RALGPS1: variants seen among roughly 807,000 people sequenced by gnomAD.
RALGPS1 encodes ras-specific guanine nucleotide-releasing factor RalGPS1.
A neutral mutation model predicts 78.8 loss-of-function variants in RALGPS1; 19 were observed. That is an observed-to-expected ratio of 0.24 (90% CI 0.17 to 0.35). The LOEUF is 0.35. Among genes scored for constraint, RALGPS1 ranks in the 10% least tolerant of loss-of-function variants. The pLI, the probability that RALGPS1 is intolerant of heterozygous loss-of-function variation, is 1.00. For synonymous variants in RALGPS1, 228 were observed against 256.3 expected (o/e 0.89, Z 1.06); for missense variants, 454 against 688.3 (o/e 0.66, Z 3.81).
At chr9:126,994,811 A>C (rs1163024071) in intron 4 of RALGPS1, among the ~76,000 whole-genome samples, 2 of 152,178 alleles carry the variant, frequency 1.3e-5, no homozygotes, top group Non-Finnish European at 2.9e-5. Context: ...AGGGAAGCCC[A>C]TCAGACTAAC....
chr9:127,033,259 G>A (rs200014821), intron 4 of RALGPS1, among the ~76,000 whole-genome samples: 1 of 152,178 alleles, frequency 6.6e-6, no homozygotes, highest in East Asian at 1.9e-4. Context: ...TAAGTCCAGG[G>A]CATTCATCTT....
At chr9:127,069,041 C>T (rs2049954997) in intron 7 of RALGPS1, among the ~76,000 whole-genome samples, 189 bp from the exon 8 acceptor site, 1 of 152,158 alleles carries the variant, frequency 6.6e-6, no homozygotes, top group Non-Finnish European at 1.5e-5. Flanking sequence ...CAAGCCCCAC[C>T]TCTGGAGTCG....
At position 127,166,179 on chromosome 9, in the gene RALGPS1, G is replaced by T; in HGVS notation, c.721G>T (p.Ala241Ser). ...NQMNNILRII[A>S]DLQVSCSYDH... is the part of the protein sequence containing the mutation. ...GATGAACAATATTCTTCGAATAATTGCTGATTTACAAGTTTCCTGCAGCTA... is the reference window on the plus strand; with the variant it reads ...GATGAACAATATTCTTCGAATAATTTCTGATTTACAAGTTTCCTGCAGCTA... The change falls in exon 9 of 19, where the codon GCT (alanine) becomes TCT (serine). Residue 241 changes from alanine (A) to serine (S), a missense_variant. By Grantham distance (99) the Ala-to-Ser change is moderately conservative. Coordinates refer to ENST00000259351, the MANE Select transcript of RALGPS1 (RefSeq NM_014636.3). 1 of 1,613,494 alleles carries T rather than the reference G, an allele frequency of 6.2e-7. No homozygotes were observed. Among genetic ancestry groups the T allele is most frequent in the Non-Finnish European group, 8.5e-7 (1 of 1,179,896 alleles).
intron 5 of RALGPS1, among the ~76,000 whole-genome samples, chr9:127,045,750 C>T (rs529941577): frequency 5.1e-5 from 5 of 97,294 alleles, no homozygotes; most frequent in South Asian, 7.9e-4. Context: ...CACACACACA[C>T]ACACACACAC....
chr9:126,985,784 A>G (rs191926747), intron 4 of RALGPS1, among the ~76,000 whole-genome samples: 2 of 152,300 alleles, frequency 1.3e-5, no homozygotes, highest in South Asian at 4.1e-4. Context: ...AAGGAGGGTT[A>G]TGCTAATTTG....
At chr9:127,053,572 C>T (rs1303575638) in intron 7 of RALGPS1, among the ~76,000 whole-genome samples, 1 of 152,188 alleles carries the variant, frequency 6.6e-6, no homozygotes, top group Non-Finnish European at 1.5e-5. Context: ...TTAGCATTCA[C>T]CTCCTGGCCT....
intron 5 of RALGPS1, among the ~76,000 whole-genome samples, chr9:127,045,844 C>T (rs2047723474): frequency 6.6e-6 from 1 of 151,852 alleles, no homozygotes; most frequent in Middle Eastern, 3.2e-3. Context: ...GATGATACCC[C>T]AGTAGCAGCA....
intron 7 of RALGPS1, among the ~76,000 whole-genome samples, chr9:127,060,781 A>G (rs2049144890): frequency 6.6e-6 from 1 of 151,870 alleles, no homozygotes; most frequent in African/African-American, 2.4e-5. Flanking sequence ...TTCTCCCTCA[A>G]CCCCTCGTCC....
chr9:126,956,016 C>T (rs1011861074), intron 1 of RALGPS1, among the ~76,000 whole-genome samples: 4 of 152,234 alleles, frequency 2.6e-5, no homozygotes, highest in African/African-American at 9.6e-5. Context: ...CCTGCCTGTG[C>T]ATCTGCTTCC....
intron 14 of RALGPS1, among the ~76,000 whole-genome samples, chr9:127,201,840 C>G (rs1382592482): frequency 6.6e-6 from 1 of 152,240 alleles, no homozygotes; most frequent in Non-Finnish European, 1.5e-5. Context: ...AAAGAGCTTC[C>G]CCTCCTCGGA....
chr9:127,184,176 T>C, intron 11 of RALGPS1: 4 of 902,042 alleles, frequency 4.4e-6, no homozygotes, highest in Non-Finnish European at 6.7e-6. Context: ...AGTATATAAA[T>C]GATCTGGGCA....
At chr9:127,195,018 C>G (rs1014159966) in intron 11 of RALGPS1, 73 bp from the exon 12 acceptor site, 2 of 1,576,218 alleles carry the variant, frequency 1.3e-6, no homozygotes, top group African/African-American at 2.7e-5. Flanking sequence ...ACCTCCACAC[C>G]TCAACCCAGC....
At chr9:126,996,908 A>G (rs1267069709) in intron 4 of RALGPS1, among the ~76,000 whole-genome samples, 1 of 152,262 alleles carries the variant, frequency 6.6e-6, no homozygotes, top group Non-Finnish European at 1.5e-5. Context: ...AATCCAGCAT[A>G]TAAACAGAAC....
chr9:127,070,107 C>T (rs2135869471), intron 8 of RALGPS1: 1 of 152,246 alleles, frequency 6.6e-6, no homozygotes, highest in Middle Eastern at 3.4e-3. Flanking sequence ...AGAGTGGTTT[C>T]AGGATGAAGC....
intron 4 of RALGPS1, among the ~76,000 whole-genome samples, chr9:126,993,304 A>C (rs2042435013): frequency 6.6e-6 from 1 of 152,192 alleles, no homozygotes; most frequent in South Asian, 2.1e-4. Flanking sequence ...GAATTTCTGC[A>C]TCTGTGTTTG....
chr9:127,112,006 T>C (rs2054864137), intron 8 of RALGPS1, among the ~76,000 whole-genome samples: 1 of 152,226 alleles, frequency 6.6e-6, no homozygotes, highest in South Asian at 2.1e-4. Flanking sequence ...CTTTGGGGGC[T>C]TCTCCAGTGA....
intron 8 of RALGPS1, among the ~76,000 whole-genome samples, chr9:127,117,051 C>T (rs1032008352): frequency 2.0e-5 from 3 of 152,232 alleles, no homozygotes; most frequent in Non-Finnish European, 2.9e-5. Flanking sequence ...ATCATGTCAG[C>T]GTCCTGCTTA....
chr9:127,132,809 A>G (rs1346696345), intron 8 of RALGPS1, among the ~76,000 whole-genome samples: 1 of 152,212 alleles, frequency 6.6e-6, no homozygotes. Flanking sequence ...AAAATATCCA[A>G]AGTGCCTGCC....
intron 1 of RALGPS1, among the ~76,000 whole-genome samples, chr9:126,958,126 TAAAAAA>T (rs11290290): frequency 3.9e-5 from 3 of 77,560 alleles, no homozygotes; most frequent in Admixed American, 1.6e-4. Context: ...GCTGTCTCTT[TAAAAAA>T]AAAAAAAAAA....
Sources: gnomAD v4.1 joint callset for allele counts (sites outside exome capture counted in the v4.1 genomes callset) on GRCh38, gnomAD v4.1.1 for gene constraint, MANE v1.5 for transcripts, NCBI Gene and HGNC (gene_info 2026-07-23, HGNC 2026-07-21) for gene names.